SEMA4C: variants seen among roughly 807,000 people sequenced by gnomAD.
The protein encoded by SEMA4C is semaphorin-4C.
Under a neutral mutation model 89.0 loss-of-function variants are expected in SEMA4C, and 19 were observed. The observed-to-expected ratio is 0.21, with a 90% CI of 0.15 to 0.31. SEMA4C has a LOEUF of 0.31. Among genes scored for constraint, SEMA4C ranks in the 10% least tolerant of loss-of-function variants. SEMA4C has a pLI of 1.00. For missense variants in SEMA4C, 811 were observed against 1,107.0 expected (o/e 0.73, Z 3.79); for synonymous variants, 428 against 472.7 (o/e 0.91, Z 1.23).
Position 96,861,531 on chromosome 2 carries a change from G to T in SEMA4C, c.1672+48C>A. On this transcript the variant is annotated intron_variant, in intron 14 of 14. Coordinates refer to ENST00000305476, the MANE Select transcript of SEMA4C (RefSeq NM_017789.5). The surrounding 1 kb of genome is among the most constrained non-coding windows in gnomAD (Gnocchi z 7.8). The stretch of plus-strand genomic sequence containing the variant: ...GGGGAAGAGGAGAACAGAAACTCCA[G>T]CTCTGGTCCAGGGCTCAGCCCGATG... 6.2e-7 allele frequency: 1 copy of T among 1,608,244 alleles called. No homozygotes were observed. Among genetic ancestry groups the T allele is most frequent in the Non-Finnish European group, 8.5e-7 (1 of 1,175,364 alleles).
rs143381733 is a variant in SEMA4C, at chr2:96,863,343, G to C, written c.1443+339C>G. The C allele has an allele frequency of 6.5e-6, 7 of 1,081,848 alleles. No individual in the cohort carries two copies. In the Admixed American group the frequency reaches 1.9e-4, roughly 29 times the overall value. The allele number at this position is 1,081,848 out of a possible 1,614,324, so 67.0% of individuals were successfully genotyped here. A position where few individuals can be genotyped will look rare whatever the true frequency, so the allele number is the denominator to read the frequency against. On this transcript the variant is annotated intron_variant, in intron 12 of 14. Coordinates refer to ENST00000305476, the MANE Select transcript of SEMA4C (RefSeq NM_017789.5). The stretch of plus-strand genomic sequence containing the variant: ...AACATCTCACAGCCTGGGAGGTCTG[G>C]TCACAGGGGCATGGTCAGGGAAGAG...
At position 96,869,709 on chromosome 2, in the gene SEMA4C, G is replaced by C. The variant is rs1394568163; in HGVS notation, c.-38+167C>G. The C allele has an allele frequency of 1.0e-5, 10 of 985,216 alleles. No homozygotes were observed. In the South Asian group the frequency reaches 4.2e-4, roughly 42 times the overall value. 61.0% of individuals were successfully genotyped at this position (985,216 alleles called of 1,614,324 possible). ...TCCCGAGACCCTGCGAAGCAGCCGC[G>C]GGGGTCGCAGGAAGGATCCCCGCGT... On this transcript the variant is annotated intron_variant, in intron 1 of 14. Coordinates refer to ENST00000305476, the MANE Select transcript of SEMA4C (RefSeq NM_017789.5).
upstream of SEMA4C, chr2:96,870,460 G>T (rs1313766526): frequency 9.6e-6 from 9 of 935,256 alleles, no homozygotes; most frequent in South Asian, 3.4e-4. Flanking sequence ...TTGCAGGAAC[G>T]ACCGCGGGCG....
At position 96,865,069 on chromosome 2, in the gene SEMA4C, G is replaced by A. The variant is rs1180621570; in HGVS notation, c.681C>T (p.Ser227=). The stretch of plus-strand genomic sequence containing the variant: ...AGACCTTGTCGTCGTCCCCCGTGAA[G>A]CTGCCCACACTCTCAGGTACATAGG... ...GSAYVPESVG[S]FTGDDDKVYF... Residue 227 remains serine, a synonymous_variant, in exon 8 of 15, where the codon AGC becomes AGT. Transcript: ENST00000305476. 7.1e-6 allele frequency: 11 copies of A among 1,559,788 alleles called. No homozygotes were observed. Among genetic ancestry groups the A allele is most frequent in the Non-Finnish European group, 9.6e-6 (11 of 1,151,636 alleles).
chr2:96,860,153 G>C lies in SEMA4C; in HGVS notation c.*473C>G, dbSNP rs533771633. ...ATATGTACATCGCTGCCCGACACTC[G>C]GGGCAGTGGGGGTAGGAGAGACAAA... On this transcript the variant is annotated 3_prime_UTR_variant, in exon 15 of 15. Coordinates refer to ENST00000305476, the MANE Select transcript of SEMA4C (RefSeq NM_017789.5). 2 of 158,778 alleles carry C rather than the reference G, an allele frequency of 1.3e-5. No homozygotes were observed. Among genetic ancestry groups the C allele is most frequent in the Non-Finnish European group, 2.7e-5 (2 of 72,830 alleles). The allele number at this position is 158,778 out of a possible 1,614,324, so 9.8% of individuals were successfully genotyped here.
chr2:96,868,567 GC>G (rs2080134998), intron 1 of SEMA4C: 1 of 985,722 alleles, frequency 1.0e-6, no homozygotes, highest in African/African-American at 1.7e-5. Flanking sequence ...GCTTCCCGAG[GC>G]CCCTTTGTTG....
chr2:96,863,306 G>A, intron 12 of SEMA4C: 1 of 1,033,356 alleles, frequency 9.7e-7, no homozygotes, highest in Non-Finnish European at 1.2e-6. Context: ...CCACCATGGT[G>A]AGGGCATCAT....
Position 96,869,665 on chromosome 2 carries a change from C to G in SEMA4C, c.-38+211G>C. The G allele has an allele frequency of 4.1e-6, 4 of 985,204 alleles. No individual in the cohort carries two copies. The South Asian group carries it at 1.4e-4, about 35-fold the overall frequency. 61.0% of individuals were successfully genotyped at this position (985,204 alleles called of 1,614,324 possible). A position where few individuals can be genotyped will look rare whatever the true frequency, so the allele number is the denominator to read the frequency against. ...CTCCGGCCCCGGGGCTGCGGGGCTGCAGGTGCTGTGCGCCCCACTCCCGAG... is the reference window on the plus strand; with the variant it reads ...CTCCGGCCCCGGGGCTGCGGGGCTGGAGGTGCTGTGCGCCCCACTCCCGAG... On this transcript the variant is annotated intron_variant, in intron 1 of 14. Transcript: ENST00000305476.
At position 96,865,085 on chromosome 2, in the gene SEMA4C, G is replaced by A. The variant is rs1429270233; in HGVS notation, c.665C>T (p.Pro222Leu). 1 of 1,564,672 alleles carries A rather than the reference G, an allele frequency of 6.4e-7. No homozygotes were observed. The highest frequency in any genetic ancestry group is 1.9e-5 in the Admixed American group (1 of 51,978). The change falls in exon 8 of 15, where the codon CCT becomes CTT. Residue 222 changes from proline to leucine, a missense_variant. Physicochemically the swap from Pro to Leu is moderately conservative, Grantham distance 98 (BLOSUM62 -3). This residue lies in a region of SEMA4C where 441 missense variants were observed against 664.9 expected (regional missense o/e 0.66). Coordinates refer to ENST00000305476, the MANE Select transcript of SEMA4C (RefSeq NM_017789.5). ...CCCCGTGAAGCTGCCCACACTCTCA[G>A]GTACATAGGCAGAGCCTACAAAGTG... The part of the protein sequence containing the change: ...EPHFVGSAYV[P>L]ESVGSFTGDD...
chr2:96,868,625 A>C lies in SEMA4C; in HGVS notation c.-37-702T>G, dbSNP rs1381221260. On this transcript the variant is annotated intron_variant, in intron 1 of 14. Transcript: ENST00000305476. ...GGGTGGGATGGGCGTGGAAATGACC[A>C]GGGCCTCATCCTGTTCCTCGCACTG... 4.1e-6 allele frequency: 4 copies of C among 985,380 alleles called. No individual in the cohort carries two copies. In the African/African-American group the frequency reaches 7.0e-5, roughly 17 times the overall value. 61.0% of individuals were successfully genotyped at this position (985,380 alleles called of 1,614,324 possible).
chr2:96,864,189 G>T lies in SEMA4C; in HGVS notation c.1108-41C>A. 1 of 1,612,980 alleles carries T rather than the reference G, an allele frequency of 6.2e-7. No individual in the cohort carries two copies. Among genetic ancestry groups the T allele is most frequent in the Non-Finnish European group, 8.5e-7 (1 of 1,179,826 alleles). On this transcript the variant is annotated intron_variant, in intron 10 of 14. Coordinates refer to ENST00000305476, the MANE Select transcript of SEMA4C (RefSeq NM_017789.5). This position sits in a 1 kb window ranked among gnomAD's most constrained non-coding sequence, Gnocchi z 6.3. ...GGGGGGCAGGCCATCAGCAGGGTGG[G>T]ATGGCACCGCAGCTGGGTGGGGAGA...
In SEMA4C at chr2:96,865,415, A is replaced by T. The variant is rs759403865; in HGVS notation, c.517+26T>A. 23 of 1,612,342 alleles carry T rather than the reference A, an allele frequency of 1.4e-5. No individual in the cohort carries two copies. In the Admixed American group the frequency reaches 3.8e-4, roughly 27 times the overall value. On this transcript the variant is annotated intron_variant, in intron 6 of 14. Transcript: ENST00000305476. ...GGAACCAAGCCCCAAGGACTCACCC[A>T]GCCTGCATGGGGGGCAGCCACTCAC...
intron 11 of SEMA4C, 21 bp downstream of exon 11, chr2:96,863,905 C>T (rs766670260): frequency 1.3e-6 from 2 of 1,598,644 alleles, no homozygotes; most frequent in South Asian, 1.1e-5. Flanking sequence ...AGCAGCCATG[C>T]CTGCATACCC....
chr2:96,865,996 C>A, intron 3 of SEMA4C, 67 bp from the exon 4 acceptor site: 1 of 1,512,642 alleles, frequency 6.6e-7, no homozygotes, highest in South Asian at 1.1e-5. Flanking sequence ...ACAAGCACAG[C>A]CTGCAGCAGC....
Position 96,861,337 on chromosome 2 carries a change from C to A in SEMA4C, c.1791G>T (p.Ala597=). Reference sequence around the variant, plus strand: ...CGTAGAGGAAGGACCCGGGCTGTTCCGCAGGCAGGTCCCGGCCCCCAAAGG... The same window carrying A: ...CGTAGAGGAAGGACCCGGGCTGTTCAGCAGGCAGGTCCCGGCCCCCAAAGG... ...RWTFGGRDLP[A]EQPGSFLYDA... Residue 597 remains alanine, a synonymous_variant, in exon 15 of 15, where the codon GCG becomes GCT. Transcript: ENST00000305476. The surrounding 1 kb of genome is among the most constrained non-coding windows in gnomAD (Gnocchi z 7.8). 1 of 1,607,186 alleles carries A rather than the reference C, an allele frequency of 6.2e-7. No individual in the cohort carries two copies. Among genetic ancestry groups the A allele is most frequent in the Non-Finnish European group, 8.5e-7 (1 of 1,179,958 alleles).
In SEMA4C at chr2:96,861,394, G is replaced by A. The variant is rs1414976940; in HGVS notation, c.1734C>T (p.His578=). ...VAGTDLVLPC[H]LSSNLAHARW... is the part of the protein sequence containing the mutation. ...GGGCATGGGCCAAGTTGGAGGAGAG[G>A]TGGCAGGGCAGCACCAGGTCTGTGC... Residue 578 remains histidine, a synonymous_variant, in exon 15 of 15, where the codon CAC becomes CAT. Transcript: ENST00000305476. This position sits in a 1 kb window ranked among gnomAD's most constrained non-coding sequence, Gnocchi z 7.8. 1.2e-6 allele frequency: 2 copies of A among 1,610,134 alleles called. No homozygotes were observed. The highest frequency in any genetic ancestry group is 1.7e-6 in the Non-Finnish European group (2 of 1,180,030).
intron 4 of SEMA4C, 42 bp downstream of exon 4, chr2:96,865,825 C>G: frequency 6.2e-7 from 1 of 1,613,770 alleles, no homozygotes; most frequent in African/African-American, 1.3e-5. Flanking sequence ...AGGAGACGTC[C>G]TGGGGTGAAG....
chr2:96,865,662 T>C lies in SEMA4C; in HGVS notation c.420+4A>G, dbSNP rs1435073457. The stretch of plus-strand genomic sequence containing the variant: ...GGACACCGAGGTAGGAGGGCAGCAC[T>C]CACGACGTAGGTGCACTTGGGCTGG... On this transcript the variant is annotated splice_donor_region_variant and intron_variant, in intron 5 of 14. Coordinates refer to ENST00000305476, the MANE Select transcript of SEMA4C (RefSeq NM_017789.5). The C allele has an allele frequency of 6.2e-7, 1 of 1,612,820 alleles. No homozygotes were observed. The highest frequency in any genetic ancestry group is 1.3e-5 in the African/African-American group (1 of 74,874).
rs766127039 is a variant in SEMA4C at position 96,864,427 on chromosome 2, T to C, written c.963-45A>G. The C allele has an allele frequency of 1.7e-5, 28 of 1,607,210 alleles. No individual in the cohort carries two copies. Among genetic ancestry groups the C allele is most frequent in the Admixed American group, 1.2e-4 (7 of 59,918 alleles). ...CCCAGGGTCAGGTACCCACCTTATCTCTTCCCACCCCAGCTAAGGGCAAGC... is the reference window on the plus strand; with the variant it reads ...CCCAGGGTCAGGTACCCACCTTATCCCTTCCCACCCCAGCTAAGGGCAAGC... On this transcript the variant is annotated intron_variant, in intron 9 of 14. Transcript: ENST00000305476. This position sits in a 1 kb window ranked among gnomAD's most constrained non-coding sequence, Gnocchi z 6.3.
Sources: gnomAD v4.1 joint callset for allele counts on GRCh38, gnomAD v4.1.1 for gene constraint, gnomAD v4.1.1 regional missense constraint, Gnocchi (gnomAD v3.1) non-coding constraint, MANE v1.5 for transcripts, NCBI Gene and HGNC (gene_info 2026-07-23, HGNC 2026-07-21) for gene names.